The following CDK17 variants were observed in gnomAD, a reference collection of about 807,000 sequenced individuals.
CDK17 encodes cyclin dependent kinase 17.
In CDK17, 24 loss-of-function variants were observed where a neutral mutation model predicts 77.6. That is an observed-to-expected ratio of 0.31 (90% CI 0.22 to 0.44). CDK17 has a LOEUF of 0.44. Ranked by LOEUF, CDK17 falls within the 20% of genes least tolerant of loss-of-function variation. The probability of loss-of-function intolerance (pLI) is 1.00; values close to 1 mark genes in which losing one functional copy is unlikely to be tolerated. For synonymous variants in CDK17, 203 were observed against 210.4 expected (o/e 0.96, Z 0.30); for missense variants, 429 against 622.5 (o/e 0.69, Z 3.31).
intron 6 of CDK17, among the ~76,000 whole-genome samples, chr12:96,299,430 G>A (rs183843872): frequency 3.4e-4 from 45 of 131,054 alleles, no homozygotes; most frequent in African/African-American, 9.4e-4. Flanking sequence ...TCATTCTTTC[G>A]CCCAGGCTAG....
chr12:96,300,703 ATATTCT>A (rs1445486666), intron 5 of CDK17, among the ~76,000 whole-genome samples: 1 of 152,164 alleles, frequency 6.6e-6, no homozygotes, highest in Non-Finnish European at 1.5e-5. Flanking sequence ...AGCCTTGTAT[ATATTCT>A]TAAAGTTTCA....
Position 96,335,469 on chromosome 12 carries a change from C to G in CDK17, c.-29-604G>C, listed in dbSNP as rs533656314. On this transcript the variant is annotated intron_variant, in intron 1 of 16. Coordinates refer to ENST00000261211, the MANE Select transcript of CDK17 (RefSeq NM_002595.5). The stretch of plus-strand genomic sequence containing the variant: ...GAAACGAAAGCCAAATTAGCGGGTA[C>G]TGAATGCCTGCCACACAGCAGACAC... 3.3e-5 allele frequency among the ~76,000 whole-genome samples: 5 copies of G among 152,296 alleles called. No homozygotes were observed. In the South Asian group the frequency reaches 1.0e-3, roughly 32 times the overall value.
intron 3 of CDK17, among the ~76,000 whole-genome samples, chr12:96,316,953 T>C (rs1476681118): frequency 1.1e-3 from 172 of 150,202 alleles, no homozygotes; most frequent in Admixed American, 1.9e-3. Flanking sequence ...CAAAGCTGGA[T>C]GGAGAATGAC....
At chr12:96,358,592 C>G (rs556151957) in intron 1 of CDK17, among the ~76,000 whole-genome samples, 1 of 152,068 alleles carries the variant, frequency 6.6e-6, no homozygotes, top group Non-Finnish European at 1.5e-5. Flanking sequence ...AAGGCTGAGG[C>G]AGGTGGATCA....
In CDK17 at chr12:96,378,802, A is replaced by G. The variant is rs118121135; in HGVS notation, c.-30+21184T>C. On this transcript the variant is annotated intron_variant, in intron 1 of 16. Transcript: ENST00000261211. ...GAAGCTATTAAAAATAAAGATCTTT[A>G]TCTAGATATGGAAAGATCTCCAGAA... 1.0e-3 allele frequency among the ~76,000 whole-genome samples: 154 copies of G among 152,360 alleles called. 1 individual carries two copies. In the East Asian group the frequency reaches 0.025, roughly 25 times the overall value.
chr12:96,333,971 T>C (rs1316143710), intron 2 of CDK17, among the ~76,000 whole-genome samples: 1 of 152,186 alleles, frequency 6.6e-6, no homozygotes, highest in Non-Finnish European at 1.5e-5. Context: ...ACTATACCTT[T>C]TCCTCTCTCA....
intron 10 of CDK17, among the ~76,000 whole-genome samples, chr12:96,294,611 A>AAAAAT (rs71097274): frequency 1.6e-5 from 2 of 121,252 alleles, no homozygotes; most frequent in African/African-American, 3.1e-5. Context: ...AAAAAAAAAA[A>AAAAAT]GATATATTTT....
chr12:96,358,122 G>C (rs1953429020), intron 1 of CDK17, among the ~76,000 whole-genome samples: 1 of 151,936 alleles, frequency 6.6e-6, no homozygotes, highest in African/African-American at 2.4e-5. Flanking sequence ...TATATTTACT[G>C]TTTAGGTAAA....
In CDK17 at chr12:96,341,503, G is replaced by A. The variant is rs987375007; in HGVS notation, c.-29-6638C>T. 5.9e-5 allele frequency among the ~76,000 whole-genome samples: 9 copies of A among 152,260 alleles called. No individual in the cohort carries two copies. The South Asian group carries it at 1.7e-3, about 28-fold the overall frequency. On this transcript the variant is annotated intron_variant, in intron 1 of 16. Transcript: ENST00000261211. ...TATAACTCTCCATTTAAAGACAGTT[G>A]AAAATGTTCAAAAATCAGTTATCAA...
intron 1 of CDK17, among the ~76,000 whole-genome samples, chr12:96,389,020 C>CTTT (rs1180336288): frequency 8.8e-5 from 12 of 136,234 alleles, no homozygotes; most frequent in Admixed American, 7.0e-4. Context: ...CCAGGCCTCA[C>CTTT]TTTTTTTTAT....
At chr12:96,326,986 T>A (rs1340310607) in intron 2 of CDK17, among the ~76,000 whole-genome samples, 1 of 151,934 alleles carries the variant, frequency 6.6e-6, no homozygotes, top group Non-Finnish European at 1.5e-5. Context: ...CTGTGAAGGG[T>A]TAAAGATAGT....
intron 1 of CDK17, among the ~76,000 whole-genome samples, chr12:96,399,765 C>G (rs1197177516): frequency 1.3e-5 from 2 of 152,120 alleles, no homozygotes; most frequent in South Asian, 2.1e-4. Flanking sequence ...ACCCGAGCCC[C>G]GGAAATCCCC....
chr12:96,336,356 C>T (rs1953040930), intron 1 of CDK17, among the ~76,000 whole-genome samples: 1 of 152,018 alleles, frequency 6.6e-6, no homozygotes, highest in Non-Finnish European at 1.5e-5. Flanking sequence ...CCCAGCTACT[C>T]AGGAGACTGG....
intron 1 of CDK17, among the ~76,000 whole-genome samples, chr12:96,335,821 C>A (rs1386081466): frequency 6.6e-6 from 1 of 151,956 alleles, no homozygotes; most frequent in African/African-American, 2.4e-5. Flanking sequence ...AATTCTTGAC[C>A]CACAATTTCC....
At chr12:96,362,687 T>G (rs573791854) in intron 1 of CDK17, among the ~76,000 whole-genome samples, 172 of 152,356 alleles carry the variant, frequency 1.1e-3, no homozygotes, top group African/African-American at 4.1e-3. Context: ...TTCAAAAATG[T>G]AAAGCAATTC....
chr12:96,378,105 G>GTA (rs1324271488), intron 1 of CDK17, among the ~76,000 whole-genome samples: 2 of 152,206 alleles, frequency 1.3e-5, no homozygotes, highest in East Asian at 3.8e-4. Context: ...TCTTACATTA[G>GTA]TATGGTACTT....
At chr12:96,283,038 T>C (rs1292003956) in intron 14 of CDK17, among the ~76,000 whole-genome samples, 1 of 152,128 alleles carries the variant, frequency 6.6e-6, no homozygotes, top group African/African-American at 2.4e-5. Context: ...GTCCATCAAC[T>C]CTGATAGATG....
chr12:96,303,234 A>T (rs982621030), intron 5 of CDK17: 2 of 152,312 alleles, frequency 1.3e-5, no homozygotes, highest in East Asian at 3.9e-4. Context: ...GACAGACATG[A>T]TTCCCACTTT....
At chr12:96,389,977 G>A (rs1954041182) in intron 1 of CDK17, among the ~76,000 whole-genome samples, 1 of 151,260 alleles carries the variant, frequency 6.6e-6, no homozygotes, top group African/African-American at 2.4e-5. Flanking sequence ...TTACAGGCAT[G>A]CACCACCACA....
Sources: allele counts gnomAD v4.1 joint callset (sites outside exome capture counted in the v4.1 genomes callset), GRCh38; gene constraint gnomAD v4.1.1; transcripts MANE v1.5; gene names NCBI Gene and HGNC (gene_info 2026-07-23, HGNC 2026-07-21).